The following LRRC1 variants were observed in gnomAD, a reference collection of about 807,000 sequenced individuals.
LRRC1 encodes the protein leucine rich repeat containing 1.
LRRC1 carries 28 observed loss-of-function variants against 69.9 expected under a neutral mutation model. The observed-to-expected ratio is 0.40, with a 90% CI of 0.30 to 0.55. The LOEUF (loss-of-function observed/expected upper bound fraction) is 0.55, where lower values mean the gene tolerates loss of function less well. LRRC1 is among the 20% of genes least tolerant of loss of function. The pLI is 0.47. For missense variants in LRRC1, 498 were observed against 609.0 expected, an observed-to-expected ratio of 0.82 and a Z score of 1.92; for synonymous variants, 236 against 240.2, an observed-to-expected ratio of 0.98 and a Z score of 0.16.
chr6:53,853,447 G>A (rs1408112660), intron 2 of LRRC1, among the ~76,000 whole-genome samples: 1 of 151,972 alleles, frequency 6.6e-6, no homozygotes, highest in Non-Finnish European at 1.5e-5. Flanking sequence ...ACCACGCCCA[G>A]CTAATTTTTG....
At chr6:53,861,390 C>T (rs2127423256) in intron 2 of LRRC1, among the ~76,000 whole-genome samples, 1 of 151,330 alleles carries the variant, frequency 6.6e-6, no homozygotes. Context: ...TTAAATCCCT[C>T]AGTGTTTTTT....
intron 1 of LRRC1, among the ~76,000 whole-genome samples, chr6:53,841,331 T>G (rs1418342456): frequency 6.6e-6 from 1 of 152,256 alleles, no homozygotes; most frequent in Non-Finnish European, 1.5e-5. Flanking sequence ...ACCTAGTTTC[T>G]TATTGGCTAC....
chr6:53,825,051 C>A (rs570605834), intron 1 of LRRC1, among the ~76,000 whole-genome samples: 3 of 152,344 alleles, frequency 2.0e-5, no homozygotes, highest in Admixed American at 2.0e-4. Flanking sequence ...ATGTTCCCTG[C>A]AAATCTTCTC....
intron 1 of LRRC1, among the ~76,000 whole-genome samples, chr6:53,802,825 A>G (rs1764524529): frequency 6.6e-6 from 1 of 152,172 alleles, no homozygotes; most frequent in African/African-American, 2.4e-5. Flanking sequence ...ATACTTGGAG[A>G]ATATTTATTA....
intron 4 of LRRC1, among the ~76,000 whole-genome samples, chr6:53,890,053 G>A (rs1767625288): frequency 6.6e-6 from 1 of 152,130 alleles, no homozygotes; most frequent in Non-Finnish European, 1.5e-5. Context: ...AAACTCCAGC[G>A]GCAACTGATG....
At chr6:53,889,440 C>A (rs978406585) in intron 4 of LRRC1, among the ~76,000 whole-genome samples, 2 of 152,104 alleles carry the variant, frequency 1.3e-5, no homozygotes, top group Non-Finnish European at 2.9e-5. Context: ...CTGAAATTTT[C>A]ATCAGTGGGT....
intron 1 of LRRC1, among the ~76,000 whole-genome samples, chr6:53,829,987 G>C (rs1765382056): frequency 6.6e-6 from 1 of 152,186 alleles, no homozygotes; most frequent in Non-Finnish European, 1.5e-5. Context: ...TGCTGAACAA[G>C]GTACTCACTA....
At position 53,818,050 on chromosome 6, in the gene LRRC1, C is replaced by T. The variant is rs746312655; in HGVS notation, c.159+22635C>T. Among the ~76,000 whole-genome samples, 10 of 152,274 alleles carry T rather than the reference C, an allele frequency of 6.6e-5. No individual in the cohort carries two copies. In the East Asian group the frequency reaches 1.5e-3, roughly 23 times the overall value. ...ACATGAATACAGCACAAAAGGTGCA[C>T]GTACAATGAAAAGTGGGTTTTCTTT... is the stretch of plus-strand genomic sequence containing the variant. On this transcript the variant is annotated intron_variant, in intron 1 of 13. Coordinates refer to ENST00000370888, the MANE Select transcript of LRRC1 (RefSeq NM_018214.5).
chr6:53,844,416 G>A (rs146623557), intron 2 of LRRC1, among the ~76,000 whole-genome samples: 242 of 152,300 alleles, frequency 1.6e-3, no homozygotes, highest in African/African-American at 5.5e-3. Flanking sequence ...TCCCAGTCCC[G>A]TAATTAACTC....
intron 4 of LRRC1, among the ~76,000 whole-genome samples, chr6:53,884,871 C>T (rs1767422063): frequency 6.6e-6 from 1 of 152,022 alleles, no homozygotes; most frequent in Admixed American, 6.6e-5. Context: ...TCTGTACCTG[C>T]TTTTGTCAGT....
At chr6:53,896,278 TATTA>T (rs541008030) in intron 4 of LRRC1, among the ~76,000 whole-genome samples, 28 of 152,340 alleles carry the variant, frequency 1.8e-4, no homozygotes, top group Non-Finnish European at 3.5e-4. Flanking sequence ...ACTACTCTTT[TATTA>T]ATTATTAATA....
Position 53,902,645 on chromosome 6 carries a change from G to A in LRRC1, c.804G>A (p.Leu268=). 1 of 1,594,158 alleles carries A rather than the reference G, an allele frequency of 6.3e-7. No homozygotes were observed. The highest frequency in any genetic ancestry group is 1.8e-5 in the Admixed American group (1 of 56,506). Reference sequence around the variant, plus strand: ...CTTTTACAGGAAAACTAAAGAAACTGTCAATCTTGAAGGTGGATCAGAATA... The same window carrying A: ...CTTTTACAGGAAAACTAAAGAAACTATCAATCTTGAAGGTGGATCAGAATA... The part of the protein sequence containing the change: ...IPDGIGKLKK[L]SILKVDQNRL... The change falls in exon 9 of 14, where the codon CTG becomes CTA. Residue 268 remains leucine (L), a synonymous_variant. Coordinates refer to ENST00000370888, the MANE Select transcript of LRRC1 (RefSeq NM_018214.5).
At chr6:53,848,742 A>G (rs1233690517) in intron 2 of LRRC1, among the ~76,000 whole-genome samples, 1 of 148,224 alleles carries the variant, frequency 6.7e-6, no homozygotes, top group East Asian at 2.0e-4. Flanking sequence ...GTAGGCTTAC[A>G]TAACTTTTTT....
chr6:53,867,872 G>A (rs1281195722), intron 2 of LRRC1, among the ~76,000 whole-genome samples: 3 of 151,326 alleles, frequency 2.0e-5, no homozygotes, highest in Non-Finnish European at 2.9e-5. Flanking sequence ...GAGGATTATT[G>A]GAGCCTCGAG....
intron 11 of LRRC1, among the ~76,000 whole-genome samples, chr6:53,914,178 A>G (rs975646040): frequency 4.6e-5 from 7 of 152,192 alleles, no homozygotes; most frequent in African/African-American, 1.7e-4. Context: ...AAACCTGAGC[A>G]TGGGTTAAAG....
chr6:53,908,643 A>G (rs1768312576), intron 10 of LRRC1, among the ~76,000 whole-genome samples: 1 of 152,208 alleles, frequency 6.6e-6, no homozygotes, highest in Non-Finnish European at 1.5e-5. Context: ...TGGATTGTCT[A>G]CAGGAAAATT....
intron 2 of LRRC1, among the ~76,000 whole-genome samples, chr6:53,843,463 A>G (rs971672008): frequency 2.6e-5 from 4 of 152,232 alleles, no homozygotes; most frequent in African/African-American, 9.6e-5. Flanking sequence ...TATCTGTTAC[A>G]TTCCATAAAT....
intron 2 of LRRC1, among the ~76,000 whole-genome samples, chr6:53,862,455 G>A (rs933699379): frequency 6.6e-6 from 1 of 152,110 alleles, no homozygotes; most frequent in Admixed American, 6.6e-5. Flanking sequence ...CTTTGTGTGT[G>A]TGTGAATCAG....
chr6:53,837,823 C>CA (rs1450505186), intron 1 of LRRC1, among the ~76,000 whole-genome samples: 1 of 152,084 alleles, frequency 6.6e-6, no homozygotes, highest in Non-Finnish European at 1.5e-5. Flanking sequence ...AACATTTAGC[C>CA]AAATTAAAGG....
Sources: allele counts gnomAD v4.1 joint callset (sites outside exome capture counted in the v4.1 genomes callset), GRCh38; gene constraint gnomAD v4.1.1; transcripts MANE v1.5; gene names NCBI Gene and HGNC (gene_info 2026-07-23, HGNC 2026-07-21).